ROCK2: variants seen among roughly 807,000 people sequenced by gnomAD.
ROCK2 encodes the protein rho-associated protein kinase 2.
Under a neutral mutation model 195.1 loss-of-function variants are expected in ROCK2, and 61 were observed. The observed-to-expected ratio is 0.31, with a 90% CI of 0.25 to 0.39. The LOEUF is 0.39. Ranked by LOEUF, ROCK2 falls within the 10% of genes least tolerant of loss-of-function variation. ROCK2 has a pLI of 1.00. For missense variants in ROCK2, 1,109 were observed against 1,637.4 expected (o/e 0.68, Z 5.57); for synonymous variants, 504 against 545.5 (o/e 0.92, Z 1.06).
chr2:11,337,469 T>A (rs182060593), intron 1 of ROCK2, among the ~76,000 whole-genome samples: 151 of 152,190 alleles, frequency 9.9e-4, no homozygotes, highest in African/African-American at 3.4e-3. Context: ...GGCCCGTAAG[T>A]GCAAGAAAAA....
intron 6 of ROCK2, among the ~76,000 whole-genome samples, chr2:11,226,467 T>G (rs1664814296): frequency 6.6e-6 from 1 of 152,158 alleles, no homozygotes; most frequent in African/African-American, 2.4e-5. Flanking sequence ...TTACAAACAA[T>G]ATATATGCAA....
chr2:11,241,148 A>T (rs1319855713), intron 4 of ROCK2, among the ~76,000 whole-genome samples: 1 of 152,232 alleles, frequency 6.6e-6, no homozygotes, highest in Non-Finnish European at 1.5e-5. Context: ...AAAAGGAATG[A>T]AATATTGATA....
intron 4 of ROCK2, among the ~76,000 whole-genome samples, chr2:11,236,442 T>C (rs919591141): frequency 6.6e-6 from 1 of 152,128 alleles, no homozygotes; most frequent in African/African-American, 2.4e-5. Flanking sequence ...CCCATATCAA[T>C]GGAAAGAATG....
At chr2:11,216,241 C>A (rs1255595343) in intron 12 of ROCK2, 35 bp from the exon 13 acceptor site, 1 of 1,388,892 alleles carries the variant, frequency 7.2e-7, no homozygotes, top group South Asian at 1.2e-5. Context: ...TAAATAACTT[C>A]TAATTTACAA....
At chr2:11,202,668 T>C (rs1018158448) in intron 20 of ROCK2, among the ~76,000 whole-genome samples, 1 of 151,970 alleles carries the variant, frequency 6.6e-6, no homozygotes, top group Non-Finnish European at 1.5e-5. Flanking sequence ...TGGCTAATTT[T>C]TGTATTTTTA....
chr2:11,287,823 T>C (rs569423722), intron 1 of ROCK2, 87 bp from the exon 2 acceptor site: 3 of 476,048 alleles, frequency 6.3e-6, no homozygotes, highest in African/African-American at 6.0e-5. Context: ...TTTATGTCAT[T>C]TTCACCAGGA....
intron 17 of ROCK2, among the ~76,000 whole-genome samples, chr2:11,212,183 C>T (rs551766667): frequency 3.8e-4 from 58 of 152,284 alleles, no homozygotes; most frequent in African/African-American, 1.4e-3. Flanking sequence ...TCCCACAGTG[C>T]TGAGATTATA....
At position 11,249,246 on chromosome 2, in the gene ROCK2, T is replaced by C. The variant is rs147924086; in HGVS notation, c.462+415A>G. ...ATTATACTTTAAGTTCTAGAGTACA[T>C]GTGCACAACGTGCAGGTCTGTTACA... is the stretch of plus-strand genomic sequence containing the variant. On this transcript the variant is annotated intron_variant, in intron 4 of 32. Coordinates refer to ENST00000315872, the MANE Select transcript of ROCK2 (RefSeq NM_004850.5). Among the ~76,000 whole-genome samples the C allele has an allele frequency of 3.2e-3, 493 of 152,308 alleles. 2 individuals carry two copies. The highest frequency in any genetic ancestry group is 0.011 in the African/African-American group (441 of 41,556).
intron 3 of ROCK2, among the ~76,000 whole-genome samples, chr2:11,262,422 T>C (rs1484397597): frequency 6.6e-6 from 1 of 152,184 alleles, no homozygotes; most frequent in Non-Finnish European, 1.5e-5. Context: ...GCCAGAGACA[T>C]ACATGGTGAT....
chr2:11,336,128 G>A (rs899077977), intron 1 of ROCK2, among the ~76,000 whole-genome samples: 4 of 152,096 alleles, frequency 2.6e-5, no homozygotes, highest in Non-Finnish European at 4.4e-5. Context: ...TCTACAACGA[G>A]AGCATATTAT....
intron 27 of ROCK2, among the ~76,000 whole-genome samples, chr2:11,195,366 C>A (rs1399991984): frequency 1.3e-5 from 2 of 149,452 alleles, no homozygotes; most frequent in Admixed American, 1.3e-4. Context: ...CTCACTGGTA[C>A]ACCTGCCTTA....
chr2:11,242,103 T>C (rs980668017), intron 4 of ROCK2, among the ~76,000 whole-genome samples: 6 of 152,146 alleles, frequency 3.9e-5, no homozygotes, highest in African/African-American at 1.4e-4. Flanking sequence ...CTTCCCAGCA[T>C]CCAGAACTTT....
intron 1 of ROCK2, among the ~76,000 whole-genome samples, chr2:11,296,007 A>AGAGGGGGG (rs1558369880): frequency 5.1e-4 from 13 of 25,314 alleles, no homozygotes; most frequent in Non-Finnish European, 9.0e-4. Context: ...GAGAGAGAGG[A>AGAGGGGGG]GAGAGAGAGA....
At position 11,282,319 on chromosome 2, in the gene ROCK2, C is replaced by G. The variant is rs925813955; in HGVS notation, c.324+4220G>C. On this transcript the variant is annotated intron_variant, in intron 3 of 32. Coordinates refer to ENST00000315872, the MANE Select transcript of ROCK2 (RefSeq NM_004850.5). ...TGAGCCAGGATCACACCCCTGCACT[C>G]CAGCCTGCGCAACAGAGGAAGATGC... Among the ~76,000 whole-genome samples, 14 of 152,002 alleles carry G rather than the reference C, an allele frequency of 9.2e-5. 1 individual carries two copies. The highest frequency in any genetic ancestry group is 3.4e-4 in the African/African-American group (14 of 41,382).
intron 17 of ROCK2, among the ~76,000 whole-genome samples, chr2:11,212,060 C>T (rs1478704062): frequency 6.6e-6 from 1 of 151,924 alleles, no homozygotes; most frequent in Non-Finnish European, 1.5e-5. Flanking sequence ...AAGTTTGTCA[C>T]CACTCCTGGC....
chr2:11,294,219 G>C (rs1667445001), intron 1 of ROCK2, among the ~76,000 whole-genome samples: 1 of 151,942 alleles, frequency 6.6e-6, no homozygotes, highest in African/African-American at 2.4e-5. Flanking sequence ...GGAAAGAAAG[G>C]AAAGAGCAAA....
intron 19 of ROCK2, 126 bp from the exon 20 acceptor site, chr2:11,208,036 T>C (rs964978371): frequency 1.8e-6 from 1 of 556,188 alleles, no homozygotes; most frequent in Non-Finnish European, 2.7e-6. Context: ...ATTCATTTCA[T>C]ACTAAAATTT....
intron 3 of ROCK2, among the ~76,000 whole-genome samples, chr2:11,278,180 C>T (rs1177640410): frequency 6.6e-6 from 1 of 152,140 alleles, no homozygotes; most frequent in Admixed American, 6.6e-5. Flanking sequence ...ATCTCTTTAA[C>T]TTATTCCTCC....
rs778962436 is a variant in ROCK2 at position 11,201,026 on chromosome 2, C to T, written c.2841G>A (p.Glu947=). The part of the protein sequence containing the change: ...SDLEKEKIMK[E]LEIKEMMARH... ...TAGCCATCATCTCTTTGATCTCCAG[C>T]TCTTTCATGATCTTCTCTTTTTCCA... Residue 947 remains glutamate, a synonymous_variant, in exon 23 of 33, where the codon GAG becomes GAA. Transcript: ENST00000315872. The surrounding 1 kb of genome is among the most constrained non-coding windows in gnomAD (Gnocchi z 4.6). The T allele has an allele frequency of 1.1e-5, 18 of 1,613,462 alleles. No homozygotes were observed. The South Asian group carries it at 1.8e-4, about 16-fold the overall frequency.
Sources: allele counts gnomAD v4.1 joint callset (sites outside exome capture counted in the v4.1 genomes callset), GRCh38; gene constraint gnomAD v4.1.1; non-coding constraint Gnocchi (gnomAD v3.1); transcripts MANE v1.5; gene names NCBI Gene and HGNC (gene_info 2026-07-23, HGNC 2026-07-21).